Variants in TAS2R1 observed in about 807,000 individuals in gnomAD.
TAS2R1 encodes taste 2 receptor member 1, also known as taste receptor type 2 member 1.
For synonymous variants in TAS2R1, 141 were observed against 134.2 expected (o/e 1.05, Z -0.35); for missense variants, 370 against 353.4 (o/e 1.05, Z -0.38).
chr5:9,872,830 A>G, the TAS2R1 span, among the ~76,000 whole-genome samples: 1 of 152,380 alleles, frequency 6.6e-6, no homozygotes, highest in African/African-American at 2.4e-5. Context: ...GTATAACTAC[A>G]TTGACTTGAA....
At chr5:9,781,039 A>C in the TAS2R1 span, among the ~76,000 whole-genome samples, 2 of 152,294 alleles carry the variant, frequency 1.3e-5, no homozygotes, top group South Asian at 4.1e-4. Context: ...CTTAATGCGT[A>C]ATATATTTTA....
chr5:9,814,456 T>G, the TAS2R1 span, among the ~76,000 whole-genome samples: 1 of 152,184 alleles, frequency 6.6e-6, no homozygotes, highest in Non-Finnish European at 1.5e-5. Context: ...TTCTAATCGA[T>G]TCCACTGTTC....
chr5:9,729,590 A>G, the TAS2R1 span, among the ~76,000 whole-genome samples: 1 of 149,428 alleles, frequency 6.7e-6, no homozygotes, highest in Non-Finnish European at 1.5e-5. Context: ...TTTTAAATAT[A>G]CTTTAAGTTT....
the TAS2R1 span, among the ~76,000 whole-genome samples, chr5:9,852,479 C>T: frequency 6.6e-6 from 1 of 152,164 alleles, no homozygotes; most frequent in South Asian, 2.1e-4. Context: ...ATTTGCTCCC[C>T]CTTTCTCTTG....
At chr5:9,879,744 C>T in the TAS2R1 span, among the ~76,000 whole-genome samples, 1 of 152,194 alleles carries the variant, frequency 6.6e-6, no homozygotes, top group Non-Finnish European at 1.5e-5. Flanking sequence ...ACCAATGAGG[C>T]ATCAAACACA....
chr5:9,885,578 T>C, the TAS2R1 span, among the ~76,000 whole-genome samples: 1 of 152,192 alleles, frequency 6.6e-6, no homozygotes, highest in Admixed American at 6.5e-5. Flanking sequence ...GAACTAAAAA[T>C]GATATAAGTC....
At position 9,696,788 on chromosome 5, in the gene TAS2R1, C is replaced by T. The variant is rs181640380; in HGVS notation, c.-242+15384G>A. On this transcript the variant is annotated intron_variant, in intron 1 of 2. Coordinates refer to the TAS2R1 transcript ENST00000506620. The stretch of plus-strand genomic sequence containing the variant: ...CAGCACTCTGGGAGGCCTAGGCAGG[C>T]GGATCACCTGAGGTTGGGAGTTTGA... Among the ~76,000 whole-genome samples the T allele has an allele frequency of 6.9e-3, 1,049 of 151,862 alleles. 10 individuals carry two copies. The highest frequency in any genetic ancestry group is 0.024 in the African/African-American group (994 of 41,430).
intron 1 of TAS2R1, among the ~76,000 whole-genome samples, chr5:9,692,227 C>T (rs1025698199): frequency 6.6e-6 from 1 of 152,194 alleles, no homozygotes; most frequent in Non-Finnish European, 1.5e-5. Context: ...GCCAGGATCA[C>T]CGGCTAGTAG....
the TAS2R1 span, among the ~76,000 whole-genome samples, chr5:9,752,737 C>T: frequency 4.0e-5 from 6 of 151,502 alleles, no homozygotes. Flanking sequence ...TGTGATGTTC[C>T]CCTTTCTGTG....
chr5:9,846,497 A>G, the TAS2R1 span, among the ~76,000 whole-genome samples: 1 of 152,238 alleles, frequency 6.6e-6, no homozygotes, highest in Non-Finnish European at 1.5e-5. Flanking sequence ...TTTTGGAATA[A>G]GTTAAAACAG....
the TAS2R1 span, among the ~76,000 whole-genome samples, chr5:9,836,173 T>C: frequency 6.6e-6 from 1 of 152,074 alleles, no homozygotes. Flanking sequence ...GACGTGCCTT[T>C]TACCTTCTGC....
At chr5:9,691,945 AC>A (rs1741255633) in intron 1 of TAS2R1, among the ~76,000 whole-genome samples, 1 of 152,004 alleles carries the variant, frequency 6.6e-6, no homozygotes, top group South Asian at 2.1e-4. Flanking sequence ...TCCACCCCAG[AC>A]CCCTTTGCAC....
At chr5:9,649,626 T>A (rs2126487214) in intron 2 of TAS2R1, among the ~76,000 whole-genome samples, 1 of 152,320 alleles carries the variant, frequency 6.6e-6, no homozygotes, top group Non-Finnish European at 1.5e-5. Flanking sequence ...TGGATTTTAA[T>A]GAAACACAAA....
the TAS2R1 span, among the ~76,000 whole-genome samples, chr5:9,880,307 T>C: frequency 2.0e-5 from 3 of 152,176 alleles, no homozygotes; most frequent in Admixed American, 6.5e-5. Context: ...GACACCTGCT[T>C]CCTAAGGAAT....
intron 1 of TAS2R1, among the ~76,000 whole-genome samples, chr5:9,667,772 T>A (rs1438982927): frequency 6.6e-6 from 1 of 151,192 alleles, no homozygotes; most frequent in East Asian, 2.0e-4. Context: ...ACAAAGAAAC[T>A]CACCCAAAGG....
chr5:9,755,412 A>T, the TAS2R1 span, among the ~76,000 whole-genome samples: 29,285 of 151,480 alleles, frequency 0.19, 3,310 homozygotes, highest in Middle Eastern at 0.33. Flanking sequence ...ACATGGTGAA[A>T]CCTGTCTCTA....
upstream of TAS2R1, among the ~76,000 whole-genome samples, chr5:9,630,827 T>C (rs565875225): frequency 6.6e-6 from 1 of 152,326 alleles, no homozygotes; most frequent in Non-Finnish European, 1.5e-5. Context: ...GTTGTTCTAG[T>C]AGAAAAGTAA....
chr5:9,787,497 G>A, the TAS2R1 span, among the ~76,000 whole-genome samples: 5 of 152,154 alleles, frequency 3.3e-5, no homozygotes, highest in Non-Finnish European at 5.9e-5. Context: ...TGGTCCTACA[G>A]AAGAACTCTT....
the TAS2R1 span, among the ~76,000 whole-genome samples, chr5:9,843,820 C>T: frequency 6.6e-6 from 1 of 152,188 alleles, no homozygotes; most frequent in Admixed American, 6.5e-5. Context: ...TAGTTGCAAG[C>T]TGGGCTACAT....
Sources: gnomAD v4.1 joint callset for allele counts (sites outside exome capture counted in the v4.1 genomes callset) on GRCh38, gnomAD v4.1.1 for gene constraint, MANE v1.5 for transcripts, NCBI Gene and HGNC (gene_info 2026-07-23, HGNC 2026-07-21) for gene names.